HIVEP2: variants seen among roughly 807,000 people sequenced by gnomAD.
HIVEP2 encodes the protein transcription factor HIVEP2.
Under a neutral mutation model 180.7 loss-of-function variants are expected in HIVEP2, and 14 were observed. The observed-to-expected ratio is 0.08, with a 90% CI of 0.05 to 0.12. HIVEP2 has a LOEUF of 0.12. HIVEP2 is among the 10% of genes least tolerant of loss of function. HIVEP2 has a pLI of 1.00. For synonymous variants in HIVEP2, 1,184 were observed against 1,136.4 expected, an observed-to-expected ratio of 1.04 and a Z score of -0.84; for missense variants, 2,579 against 3,008.5, an observed-to-expected ratio of 0.86 and a Z score of 3.34.
At chr6:142,932,719 T>C (rs1175919699) in intron 1 of HIVEP2, among the ~76,000 whole-genome samples, 1 of 152,210 alleles carries the variant, frequency 6.6e-6, no homozygotes, top group East Asian at 1.9e-4. Flanking sequence ...TAACTAGAAA[T>C]GTCCAAGAAC....
At chr6:142,927,008 G>A (rs1777833525) in intron 1 of HIVEP2, among the ~76,000 whole-genome samples, 2 of 151,210 alleles carry the variant, frequency 1.3e-5, no homozygotes, top group African/African-American at 4.8e-5. Context: ...AGCGCGCGGC[G>A]GCGCGGCGGC....
chr6:142,821,011 T>C (rs376662084), intron 2 of HIVEP2, among the ~76,000 whole-genome samples: 4 of 152,308 alleles, frequency 2.6e-5, no homozygotes, highest in African/African-American at 9.6e-5. Flanking sequence ...AAGGTGTACT[T>C]GCCAATGTTG....
chr6:142,863,893 A>G (rs1413285840), intron 1 of HIVEP2, among the ~76,000 whole-genome samples: 2 of 152,212 alleles, frequency 1.3e-5, no homozygotes, highest in Admixed American at 6.5e-5. Context: ...AAACACACTT[A>G]TAAGCAAAAT....
intron 4 of HIVEP2, 81 bp from the exon 5 acceptor site, chr6:142,775,206 A>C: frequency 6.8e-6 from 2 of 295,220 alleles, no homozygotes; most frequent in Non-Finnish European, 1.0e-5. Context: ...TAACTAACCA[A>C]CCAGAAATTA....
intron 1 of HIVEP2, among the ~76,000 whole-genome samples, chr6:142,888,046 T>C (rs2128419835): frequency 6.6e-6 from 1 of 152,140 alleles, no homozygotes; most frequent in South Asian, 2.1e-4. Flanking sequence ...TAAAATACCA[T>C]GACAATAAAT....
chr6:142,915,324 T>A (rs1777523744), intron 1 of HIVEP2, among the ~76,000 whole-genome samples: 1 of 152,142 alleles, frequency 6.6e-6, no homozygotes, highest in Non-Finnish European at 1.5e-5. Flanking sequence ...TTATCCAACA[T>A]GACAGAAATG....
At chr6:142,780,328 A>T (rs1480760880) in intron 3 of HIVEP2, among the ~76,000 whole-genome samples, 1 of 152,190 alleles carries the variant, frequency 6.6e-6, no homozygotes, top group Non-Finnish European at 1.5e-5. Flanking sequence ...CCCTCCTCTG[A>T]TCCACAATGT....
intron 9 of HIVEP2, among the ~76,000 whole-genome samples, chr6:142,757,400 C>T (rs1299680689): frequency 6.6e-6 from 1 of 152,194 alleles, no homozygotes; most frequent in Non-Finnish European, 1.5e-5. Flanking sequence ...ATGGCTCACA[C>T]CTGTAATCCC....
chr6:142,882,605 C>T (rs1032166407), intron 1 of HIVEP2, among the ~76,000 whole-genome samples: 3 of 148,328 alleles, frequency 2.0e-5, no homozygotes, highest in Admixed American at 6.8e-5. Context: ...CAAAGCAAGA[C>T]TCTGTCTATA....
chr6:142,835,719 T>C (rs1339708567), intron 2 of HIVEP2, among the ~76,000 whole-genome samples: 1 of 152,050 alleles, frequency 6.6e-6, no homozygotes, highest in East Asian at 1.9e-4. Context: ...ACGGGCCAAA[T>C]GAAAAGGGGT....
chr6:142,896,096 G>A (rs1272627755), intron 1 of HIVEP2, among the ~76,000 whole-genome samples: 1 of 152,136 alleles, frequency 6.6e-6, no homozygotes, highest in Admixed American at 6.5e-5. Flanking sequence ...GATGTCACTT[G>A]CTGAAATGTT....
At chr6:142,783,326 CAAAAAAAAAA>C (rs567202980) in intron 3 of HIVEP2, among the ~76,000 whole-genome samples, 185 bp downstream of exon 3, 19,894 of 72,018 alleles carry the variant, frequency 0.28, 1,308 homozygotes, top group Middle Eastern at 0.52. Flanking sequence ...GACTCCGTCA[CAAAAAAAAAA>C]AAAAAAAAAA....
chr6:142,865,414 G>C (rs1776112963), intron 1 of HIVEP2, among the ~76,000 whole-genome samples: 1 of 148,404 alleles, frequency 6.7e-6, no homozygotes, highest in African/African-American at 2.5e-5. Flanking sequence ...CTACCAACTA[G>C]TGAAGGTCTG....
At chr6:142,844,355 A>G (rs1300429687) in intron 1 of HIVEP2, among the ~76,000 whole-genome samples, 1 of 152,162 alleles carries the variant, frequency 6.6e-6, no homozygotes, top group Non-Finnish European at 1.5e-5. Flanking sequence ...GCAAGAAGGA[A>G]GTATTTGAAA....
At chr6:142,766,135 A>G (rs1395990914) in intron 6 of HIVEP2, among the ~76,000 whole-genome samples, 1 of 152,206 alleles carries the variant, frequency 6.6e-6, no homozygotes, top group Non-Finnish European at 1.5e-5. Flanking sequence ...GTTTAACTTC[A>G]GTCATCCAAT....
chr6:142,831,074 C>T (rs560613734), intron 2 of HIVEP2, among the ~76,000 whole-genome samples: 12 of 152,218 alleles, frequency 7.9e-5, no homozygotes, highest in Non-Finnish European at 1.0e-4. Context: ...AGGCCTGATG[C>T]CCTTGCGTGC....
chr6:142,843,680 T>A (rs572312639), intron 1 of HIVEP2, among the ~76,000 whole-genome samples: 1 of 152,342 alleles, frequency 6.6e-6, no homozygotes, highest in East Asian at 1.9e-4. Context: ...GAAAGGAAAC[T>A]CTGGCCTTGT....
chr6:142,870,011 C>T (rs1776248036), intron 1 of HIVEP2, among the ~76,000 whole-genome samples: 1 of 152,084 alleles, frequency 6.6e-6, no homozygotes, highest in South Asian at 2.1e-4. Flanking sequence ...CACTCAGAGG[C>T]CACAAAGAGA....
chr6:142,833,829 A>C (rs978176906), intron 2 of HIVEP2, among the ~76,000 whole-genome samples: 4 of 152,272 alleles, frequency 2.6e-5, no homozygotes, highest in African/African-American at 9.6e-5. Flanking sequence ...TAGAGCATAC[A>C]TAAGAGTCCA....
Sources: gnomAD v4.1 joint callset for allele counts (sites outside exome capture counted in the v4.1 genomes callset) on GRCh38, gnomAD v4.1.1 for gene constraint, MANE v1.5 for transcripts, NCBI Gene and HGNC (gene_info 2026-07-23, HGNC 2026-07-21) for gene names.